The following CFAP74 variants were observed in gnomAD, a reference collection of about 807,000 sequenced individuals.
CFAP74 encodes the protein cilia- and flagella-associated protein 74.
Under a neutral mutation model 188.9 loss-of-function variants are expected in CFAP74, and 124 were observed. That is an observed-to-expected ratio of 0.66 (90% confidence interval 0.57 to 0.76). The LOEUF (loss-of-function observed/expected upper bound fraction) is 0.76, where lower values mean the gene tolerates loss of function less well. Ranked by LOEUF, CFAP74 falls within the 30% of genes least tolerant of loss-of-function variation. CFAP74 has a pLI of 0.00. For missense variants in CFAP74, 2,198 were observed against 2,165.2 expected, an observed-to-expected ratio of 1.02 and a Z score of -0.30; for synonymous variants, 956 against 916.7, an observed-to-expected ratio of 1.04 and a Z score of -0.77.
At chr1:1,963,663 G>T in intron 14 of CFAP74, 86 bp downstream of exon 14, 2 of 831,332 alleles carry the variant, frequency 2.4e-6, no homozygotes, top group South Asian at 3.1e-5. Context: ...TATAGAGCCT[G>T]TTCCAGCCGT....
At chr1:1,929,218 G>A (rs1425017110) in intron 26 of CFAP74, among the ~76,000 whole-genome samples, 4 of 148,500 alleles carry the variant, frequency 2.7e-5, no homozygotes, top group East Asian at 2.0e-4. Context: ...TGAGTTTGAC[G>A]GGCGAGTCCC....
intron 1 of CFAP74, among the ~76,000 whole-genome samples, chr1:1,991,968 A>G (rs1657606088): frequency 6.6e-6 from 1 of 151,004 alleles, no homozygotes; most frequent in Non-Finnish European, 1.5e-5. Context: ...TGAACCCAGG[A>G]GGCGGAGCTT....
chr1:1,969,699 A>G (rs1655790052), intron 10 of CFAP74, among the ~76,000 whole-genome samples: 2 of 152,218 alleles, frequency 1.3e-5, no homozygotes, highest in South Asian at 4.1e-4. Flanking sequence ...AGCTGCTGCC[A>G]GGACCCCCCC....
intron 9 of CFAP74, among the ~76,000 whole-genome samples, chr1:1,971,130 C>A (rs765600299): frequency 6.7e-6 from 1 of 150,302 alleles, no homozygotes; most frequent in Non-Finnish European, 1.5e-5. Context: ...CTCACACGTG[C>A]ACACACATGC....
chr1:1,944,497 C>T lies in CFAP74; in HGVS notation c.2365-45G>A, dbSNP rs1398833385. 3.3e-6 allele frequency: 5 copies of T among 1,526,478 alleles called. No homozygotes were observed. The African/African-American group carries it at 4.1e-5, about 13-fold the overall frequency. 94.6% of individuals were successfully genotyped at this position (1,526,478 alleles called of 1,614,324 possible). A position where few individuals can be genotyped will look rare whatever the true frequency, so the allele number is the denominator to read the frequency against. On this transcript the variant is annotated intron_variant, in intron 20 of 38. Coordinates refer to ENST00000682832, the MANE Select transcript of CFAP74 (RefSeq NM_001304360.2). ...CTCAGCAACAGGAGTTCCTTGGGCACAGCAGGCATTGTTGGTGAGCACTGA... is the reference window on the plus strand; with the variant it reads ...CTCAGCAACAGGAGTTCCTTGGGCATAGCAGGCATTGTTGGTGAGCACTGA...
intron 1 of CFAP74, among the ~76,000 whole-genome samples, chr1:1,999,851 T>A (rs1387597762): frequency 6.7e-6 from 1 of 149,226 alleles, no homozygotes; most frequent in Non-Finnish European, 1.5e-5. Context: ...TTTGTTCAGA[T>A]GACATCCTAG....
intron 20 of CFAP74, 116 bp from the exon 21 acceptor site, chr1:1,944,568 CTT>C (rs1653620813): frequency 2.8e-6 from 3 of 1,057,482 alleles, no homozygotes; most frequent in African/African-American, 3.2e-5. Flanking sequence ...TTTTCTAACT[CTT>C]TGGGACGGCT....
At chr1:1,981,393 C>T (rs1023754443) in intron 6 of CFAP74, among the ~76,000 whole-genome samples, 1 of 152,158 alleles carries the variant, frequency 6.6e-6, no homozygotes, top group Non-Finnish European at 1.5e-5. Context: ...GGGGCTGGCA[C>T]AGCCAGCCGC....
chr1:2,002,291 A>G (rs1188276043), intron 1 of CFAP74, among the ~76,000 whole-genome samples: 1 of 151,940 alleles, frequency 6.6e-6, no homozygotes, highest in Non-Finnish European at 1.5e-5. Flanking sequence ...GTATTACATA[A>G]AGTTTATATA....
chr1:1,934,941 A>G (rs1188407069), intron 25 of CFAP74, among the ~76,000 whole-genome samples: 32 of 76,488 alleles, frequency 4.2e-4, no homozygotes, highest in South Asian at 1.3e-3. Flanking sequence ...ACAGGTGTGT[A>G]CGTGGGTGTT....
Position 1,922,582 on chromosome 1 carries a change from C to T in CFAP74, c.4818+7G>A, listed in dbSNP as rs1319306971. 3 of 1,608,652 alleles carry T rather than the reference C, an allele frequency of 1.9e-6. No individual in the cohort carries two copies. The highest frequency in any genetic ancestry group is 2.5e-6 in the Non-Finnish European group (3 of 1,178,094). Reference sequence around the variant, plus strand: ...GGCTCCCTGGCCTGGAGCCCAAAGGCACCTACATCAAAGTCCGCAGGTGGC... The same window carrying T: ...GGCTCCCTGGCCTGGAGCCCAAAGGTACCTACATCAAAGTCCGCAGGTGGC... On this transcript the variant is annotated splice_region_variant and intron_variant, in intron 38 of 38. Transcript: ENST00000682832.
chr1:1,965,052 C>T lies in CFAP74; in HGVS notation c.1411G>A (p.Glu471Lys), dbSNP rs771981252. Reference protein sequence around the residue: ...EDYKPYQVPKEDVDRKPVGGT... With the variant: ...EDYKPYQVPKKDVDRKPVGGT... ...CCCACGGGCTTTCGGTCCACGTCCTCCTTGGGCACCTGGGGGTCACAGAGA... is the reference window on the plus strand; with the variant it reads ...CCCACGGGCTTTCGGTCCACGTCCTTCTTGGGCACCTGGGGGTCACAGAGA... The change falls in exon 13 of 39, where the codon GAG (glutamate) becomes AAG (lysine). Residue 471 changes from glutamate to lysine, a missense_variant. By Grantham distance (56) the Glu-to-Lys change is moderately conservative. Transcript: ENST00000682832. 8.7e-6 allele frequency: 14 copies of T among 1,612,266 alleles called. No individual in the cohort carries two copies. Among genetic ancestry groups the T allele is most frequent in the Admixed American group, 1.7e-5 (1 of 59,792 alleles).
rs776399598 is a variant in CFAP74 at position 1,959,228 on chromosome 1, CCCA to C, written c.1762-22_1762-20del. The C allele has an allele frequency of 6.6e-7, 1 of 1,523,958 alleles. No homozygotes were observed. Among genetic ancestry groups the C allele is most frequent in the Non-Finnish European group, 9.1e-7 (1 of 1,099,340 alleles). The allele number at this position is 1,523,958 out of a possible 1,614,324, so 94.4% of individuals were successfully genotyped here. Reference sequence around the variant, plus strand: ...TGTTTATCTAAAACATAAAACAACCCCCACCACAATACACTTCTGCAACTTTTG... The same window carrying C: ...TGTTTATCTAAAACATAAAACAACCCCCACAATACACTTCTGCAACTTTTG... On this transcript the variant is annotated intron_variant, in intron 15 of 38. Transcript: ENST00000682832.
chr1:1,997,205 C>T (rs1657963042), intron 1 of CFAP74, among the ~76,000 whole-genome samples: 1 of 151,480 alleles, frequency 6.6e-6, no homozygotes, highest in Admixed American at 6.6e-5. Context: ...GGTGGATCAC[C>T]TGAGGTCAGG....
chr1:1,970,881 CTGCACATG>C, intron 9 of CFAP74, 65 bp from the exon 10 acceptor site: 1 of 1,575,686 alleles, frequency 6.3e-7, no homozygotes, highest in Middle Eastern at 1.7e-4. Context: ...ACGCTCACAC[CTGCACATG>C]TGCACACACA....
At chr1:1,974,513 T>G (rs1558047719) in intron 6 of CFAP74, among the ~76,000 whole-genome samples, 1 of 152,200 alleles carries the variant, frequency 6.6e-6, no homozygotes, top group Non-Finnish European at 1.5e-5. Context: ...CTGCCCAGCC[T>G]GAGGAAGGCC....
At position 1,959,972 on chromosome 1, in the gene CFAP74, T is replaced by G; in HGVS notation, c.1753A>C (p.Lys585Gln). The change falls in exon 15 of 39, where the codon AAG (lysine) becomes CAG (glutamine). Residue 585 changes from lysine to glutamine, a missense_variant. By Grantham distance (53) the Lys-to-Gln change is moderately conservative. Coordinates refer to ENST00000682832, the MANE Select transcript of CFAP74 (RefSeq NM_001304360.2). Reference sequence around the variant, plus strand: ...GGGCCCCTCTGACTCACCATCGGCTTGAAGGTGACAAGCACTTCACAGGAC... The same window carrying G: ...GGGCCCCTCTGACTCACCATCGGCTGGAAGGTGACAAGCACTTCACAGGAC... ...GMSCEVLVTF[K>Q]PMINKDLEGN... The G allele has an allele frequency of 6.3e-7, 1 of 1,593,756 alleles. No homozygotes were observed. Among genetic ancestry groups the G allele is most frequent in the Non-Finnish European group, 8.5e-7 (1 of 1,171,150 alleles).
rs1020870846 is a variant in CFAP74, at chr1:1,947,002, G to A, written c.2229C>T (p.Ile743=). ...TGAGCTGGCTGACCTCCCCCAGCGT[G>A]ATCTCCGTCTGCTCTTCGCTGGGAG... The part of the protein sequence containing the change: ...VIPPSEEQTE[I]TLGEVTEGEI... Residue 743 remains isoleucine (I), a synonymous_variant, in exon 19 of 39, where the codon ATC becomes ATT. Transcript: ENST00000682832. 6.5e-7 allele frequency: 1 copy of A among 1,535,854 alleles called. No individual in the cohort carries two copies. Among genetic ancestry groups the A allele is most frequent in the African/African-American group, 1.4e-5 (1 of 73,170 alleles).
intron 9 of CFAP74, among the ~76,000 whole-genome samples, chr1:1,971,066 CGCACACCTGCACACACTCATACAT>C (rs1240293328): frequency 6.5e-5 from 9 of 139,498 alleles, no homozygotes; most frequent in Non-Finnish European, 1.3e-4. Flanking sequence ...TGCTCACACA[CGCACACCTGCACACACTCATACAT>C]GCACACCTGC....
Sources: allele counts gnomAD v4.1 joint callset (sites outside exome capture counted in the v4.1 genomes callset), GRCh38; gene constraint gnomAD v4.1.1; transcripts MANE v1.5; gene names NCBI Gene and HGNC (gene_info 2026-07-23, HGNC 2026-07-21).